The following GLCE variants were observed in gnomAD, a reference collection of about 807,000 sequenced individuals.
GLCE encodes D-glucuronyl C5-epimerase.
A neutral mutation model predicts 47.9 loss-of-function variants in GLCE; 19 were observed. The ratio of observed to expected loss-of-function variants is 0.40; its 90% CI spans 0.28 to 0.58. GLCE has a LOEUF of 0.58. GLCE is among the 20% of genes least tolerant of loss of function. The pLI, the probability that GLCE is intolerant of heterozygous loss-of-function variation, is 0.48. For synonymous variants in GLCE, 245 were observed against 263.4 expected (o/e 0.93, Z 0.68); for missense variants, 556 against 743.3 (o/e 0.75, Z 2.93).
intron 1 of GLCE, among the ~76,000 whole-genome samples, chr15:69,185,808 A>G (rs1055712606): frequency 6.6e-6 from 1 of 152,106 alleles, no homozygotes; most frequent in South Asian, 2.1e-4. Flanking sequence ...GAACATGCCA[A>G]CCTATCCTTA....
intron 2 of GLCE, among the ~76,000 whole-genome samples, chr15:69,248,753 A>G (rs2052792487): frequency 6.6e-6 from 1 of 152,032 alleles, no homozygotes; most frequent in Non-Finnish European, 1.5e-5. Context: ...GGTGCGCACC[A>G]CCACGCCCAG....
At chr15:69,262,993 A>G (rs1488367804) in intron 4 of GLCE, among the ~76,000 whole-genome samples, 3 of 152,222 alleles carry the variant, frequency 2.0e-5, no homozygotes, top group African/African-American at 7.2e-5. Flanking sequence ...TTCATATGCT[A>G]TACACATAGC....
At chr15:69,248,111 A>C (rs997349071) in intron 2 of GLCE, among the ~76,000 whole-genome samples, 1 of 152,216 alleles carries the variant, frequency 6.6e-6, no homozygotes, top group Non-Finnish European at 1.5e-5. Context: ...TTACTAAAAA[A>C]TAAAAGGGAC....
chr15:69,207,349 G>C (rs961229819), intron 1 of GLCE, among the ~76,000 whole-genome samples: 3 of 151,932 alleles, frequency 2.0e-5, no homozygotes, highest in Admixed American at 1.3e-4. Flanking sequence ...CACCACCTCA[G>C]TGTCATACAG....
intron 1 of GLCE, among the ~76,000 whole-genome samples, chr15:69,206,665 C>A (rs2052156681): frequency 1.3e-5 from 2 of 151,824 alleles, no homozygotes; most frequent in Non-Finnish European, 2.9e-5. Flanking sequence ...TTTTTGAATA[C>A]TTCCTTAATT....
chr15:69,256,579 TG>T (rs1169622156), intron 3 of GLCE, among the ~76,000 whole-genome samples, 187 bp downstream of exon 3: 2 of 152,236 alleles, frequency 1.3e-5, no homozygotes, highest in African/African-American at 4.8e-5. Context: ...ACTTAAGGGC[TG>T]CCATAAGACC....
intron 1 of GLCE, among the ~76,000 whole-genome samples, chr15:69,204,277 C>CTTTTTT (rs57376738): frequency 2.2e-4 from 19 of 88,344 alleles, no homozygotes; most frequent in South Asian, 4.1e-4. Context: ...GATTGTTTTA[C>CTTTTTT]TTTTTTTTTT....
intron 1 of GLCE, among the ~76,000 whole-genome samples, chr15:69,205,390 T>C (rs2052136086): frequency 6.6e-6 from 1 of 152,114 alleles, no homozygotes; most frequent in Non-Finnish European, 1.5e-5. Flanking sequence ...TGTTTATAAG[T>C]TTATTAATTG....
At chr15:69,235,122 T>G (rs2052579115) in intron 2 of GLCE, among the ~76,000 whole-genome samples, 1 of 97,702 alleles carries the variant, frequency 1.0e-5, no homozygotes, top group Admixed American at 1.4e-4. Context: ...TTTTTTTTTT[T>G]TTTGAGATAG....
intron 2 of GLCE, among the ~76,000 whole-genome samples, chr15:69,212,237 A>G (rs887109749): frequency 2.0e-5 from 3 of 151,954 alleles, no homozygotes; most frequent in African/African-American, 7.2e-5. Context: ...ATTTCCTCTT[A>G]AATGATGGAT....
intron 4 of GLCE, among the ~76,000 whole-genome samples, chr15:69,267,611 G>C (rs557252759): frequency 6.6e-6 from 1 of 152,238 alleles, no homozygotes; most frequent in South Asian, 2.1e-4. Context: ...GGCAACCTGG[G>C]TTCAAGTCTT....
At chr15:69,178,227 G>T (rs1042051517) in intron 1 of GLCE, among the ~76,000 whole-genome samples, 1 of 152,082 alleles carries the variant, frequency 6.6e-6, no homozygotes, top group Admixed American at 6.6e-5. Flanking sequence ...GTAAGAGTAA[G>T]ATCAAAAATC....
rs555116146 is a variant in GLCE at position 69,178,731 on chromosome 15, A to G, written c.-105+17974A>G. Among the ~76,000 whole-genome samples the G allele has an allele frequency of 3.9e-5, 6 of 152,244 alleles. No homozygotes were observed. The South Asian group carries it at 6.2e-4, about 16-fold the overall frequency. On this transcript the variant is annotated intron_variant, in intron 1 of 4. Transcript: ENST00000261858. ...TGTAGGCAGGAACACAAATTGTGCA[A>G]TTTCTTTGGAGGACAAGTTGACTTT... is the stretch of plus-strand genomic sequence containing the variant.
intron 1 of GLCE, among the ~76,000 whole-genome samples, chr15:69,189,617 T>C (rs1451264186): frequency 6.6e-6 from 1 of 152,224 alleles, no homozygotes; most frequent in Admixed American, 6.5e-5. Flanking sequence ...TCTTCCAAAG[T>C]GGCTTTACCA....
intron 1 of GLCE, among the ~76,000 whole-genome samples, chr15:69,190,920 G>A (rs528141881): frequency 2.0e-5 from 3 of 151,998 alleles, no homozygotes; most frequent in African/African-American, 4.8e-5. Flanking sequence ...ATTGTCTTAG[G>A]AACTTTGCCT....
intron 3 of GLCE, among the ~76,000 whole-genome samples, chr15:69,260,449 G>A (rs1477681188): frequency 1.3e-5 from 2 of 151,826 alleles, no homozygotes; most frequent in Admixed American, 6.6e-5. Flanking sequence ...TAGTAGAGAC[G>A]GGGTTTCACC....
At chr15:69,209,873 A>G (rs949791990) in intron 1 of GLCE, among the ~76,000 whole-genome samples, 2 of 152,100 alleles carry the variant, frequency 1.3e-5, no homozygotes, top group African/African-American at 4.8e-5. Flanking sequence ...TCAGAGAGGT[A>G]GATTCCCTCT....
chr15:69,166,935 G>C (rs62008156), intron 1 of GLCE, among the ~76,000 whole-genome samples: 2 of 128,936 alleles, frequency 1.6e-5, no homozygotes, highest in Admixed American at 8.3e-5. Flanking sequence ...AAAAAAAAAG[G>C]CCGGGTGCGA....
chr15:69,261,089 G>A lies in GLCE; in HGVS notation c.589G>A (p.Val197Met), dbSNP rs1382302511. The A allele has an allele frequency of 1.2e-6, 2 of 1,609,658 alleles. No homozygotes were observed. Among genetic ancestry groups the A allele is most frequent in the South Asian group, 1.1e-5 (1 of 90,968 alleles). Reference sequence around the variant, plus strand: ...CATTTTGTTTCTCTATTTTATAGGTGTGCCATTATCTACACAATGGGGACC... The same window carrying A: ...CATTTTGTTTCTCTATTTTATAGGTATGCCATTATCTACACAATGGGGACC... ...RVKCISGVEG[V>M]PLSTQWGPQG... Residue 197 changes from valine (V) to methionine (M), a missense_variant and splice_region_variant, in exon 4 of 5, where the codon GTG (valine) becomes ATG (methionine). Val to Met is a conservative substitution (Grantham distance 21). Around this residue, in one of 3 missense-constraint regions of GLCE, gnomAD observed 237 missense variants for 310.9 expected, o/e 0.76. Transcript: ENST00000261858.
Sources: allele counts gnomAD v4.1 joint callset (sites outside exome capture counted in the v4.1 genomes callset), GRCh38; gene constraint gnomAD v4.1.1; regional missense constraint gnomAD v4.1.1; transcripts MANE v1.5; gene names NCBI Gene and HGNC (gene_info 2026-07-23, HGNC 2026-07-21).